SYN2: variants seen among roughly 807,000 people sequenced by gnomAD.
SYN2 encodes synapsin-2.
Under a neutral mutation model 50.9 loss-of-function variants are expected in SYN2, and 19 were observed. The observed-to-expected ratio is 0.37, with a 90% CI of 0.26 to 0.55. The LOEUF (loss-of-function observed/expected upper bound fraction) is 0.55, where lower values mean the gene tolerates loss of function less well. Ranked by LOEUF, SYN2 falls within the 20% of genes least tolerant of loss-of-function variation. The probability of loss-of-function intolerance (pLI) is 0.81; values close to 1 mark genes in which losing one functional copy is unlikely to be tolerated. For synonymous variants in SYN2, 255 were observed against 224.9 expected (o/e 1.13, Z -1.20); for missense variants, 587 against 576.4 (o/e 1.02, Z -0.19).
chr3:12,140,567 G>A, intron 1 of SYN2, 84 bp from the exon 2 acceptor site: 1 of 716,944 alleles, frequency 1.4e-6, no homozygotes, highest in Non-Finnish European at 2.6e-6. Context: ...TCTGTCTGCT[G>A]TGGTCCTCTT....
chr3:12,063,060 G>T (rs1187294388), intron 1 of SYN2, among the ~76,000 whole-genome samples: 1 of 151,834 alleles, frequency 6.6e-6, no homozygotes, highest in Non-Finnish European at 1.5e-5. Context: ...AAGGATTGGT[G>T]TTTGCCGGGG....
intron 4 of SYN2, 52 bp from the exon 5 acceptor site, chr3:12,151,185 C>T (rs972549724): frequency 7.7e-7 from 1 of 1,296,966 alleles, no homozygotes; most frequent in Non-Finnish European, 1.1e-6. Context: ...GATGTTTCAT[C>T]TGTTTCAGAA....
intron 1 of SYN2, among the ~76,000 whole-genome samples, chr3:12,072,765 A>G (rs1164529083): frequency 6.6e-6 from 1 of 152,164 alleles, no homozygotes; most frequent in Non-Finnish European, 1.5e-5. Flanking sequence ...GAAGATATTA[A>G]TAATGGCTTT....
At chr3:12,144,747 G>A (rs776337433) in intron 3 of SYN2, among the ~76,000 whole-genome samples, 10 of 152,154 alleles carry the variant, frequency 6.6e-5, no homozygotes, top group South Asian at 2.1e-4. Flanking sequence ...TTGGCCAGGC[G>A]TGGTGGCTCG....
At chr3:12,128,924 A>G (rs1045942727) in intron 1 of SYN2, among the ~76,000 whole-genome samples, 2 of 152,200 alleles carry the variant, frequency 1.3e-5, no homozygotes, top group Admixed American at 1.3e-4. Flanking sequence ...GCATTGTAAC[A>G]GAGCTGGGCA....
intron 1 of SYN2, among the ~76,000 whole-genome samples, chr3:12,132,533 CCCT>C (rs1696817372): frequency 1.3e-5 from 2 of 152,084 alleles, no homozygotes; most frequent in South Asian, 4.2e-4. Flanking sequence ...TTTTTTCTTT[CCCT>C]CCTCCTCCAC....
intron 1 of SYN2, among the ~76,000 whole-genome samples, chr3:12,087,064 C>A (rs1695717448): frequency 6.6e-6 from 1 of 152,036 alleles, no homozygotes; most frequent in South Asian, 2.1e-4. Flanking sequence ...CATATACTAA[C>A]AATGAACTAT....
At position 12,074,063 on chromosome 3, in the gene SYN2, G is replaced by T. The variant is rs1377623550; in HGVS notation, c.378-66588G>T. On this transcript the variant is annotated intron_variant, in intron 1 of 12. Coordinates refer to ENST00000621198, the MANE Select transcript of SYN2 (RefSeq NM_133625.6). ...TGTTCCAGAGTAGTTCTATCTTCTT[G>T]CTAGATTACTCCTGTTAATCATATA... Among the ~76,000 whole-genome samples the T allele has an allele frequency of 4.6e-5, 7 of 152,008 alleles. No individual in the cohort carries two copies. In the East Asian group the frequency reaches 1.4e-3, roughly 29 times the overall value.
At chr3:12,174,121 G>C (rs1698004044) in intron 10 of SYN2, among the ~76,000 whole-genome samples, 1 of 151,492 alleles carries the variant, frequency 6.6e-6, no homozygotes, top group South Asian at 2.1e-4. Flanking sequence ...CACTTCTGCT[G>C]AGTGTCTAAA....
chr3:12,017,611 T>C (rs112802671), intron 1 of SYN2, among the ~76,000 whole-genome samples: 60 of 152,362 alleles, frequency 3.9e-4, no homozygotes, highest in African/African-American at 1.4e-3. Context: ...AGATAAAGTA[T>C]ATCTCAAACT....
chr3:12,040,243 G>T (rs959481158), intron 1 of SYN2, among the ~76,000 whole-genome samples: 1 of 152,160 alleles, frequency 6.6e-6, no homozygotes, highest in African/African-American at 2.4e-5. Context: ...GTTGCAGACA[G>T]AAAGGGCAGT....
At chr3:12,013,062 G>T (rs961417835) in intron 1 of SYN2, among the ~76,000 whole-genome samples, 1 of 152,226 alleles carries the variant, frequency 6.6e-6, no homozygotes, top group Non-Finnish European at 1.5e-5. Flanking sequence ...TCACTGATGT[G>T]TTTGACACTG....
rs553201989 is a variant in SYN2, at chr3:12,145,697, C to G, written c.546C>G (p.Phe182Leu). The change falls in exon 4 of 13, where the codon TTC becomes TTG. Residue 182 changes from phenylalanine (F) to leucine (L), a missense_variant. Phe to Leu is a conservative substitution (Grantham distance 22). Transcript: ENST00000621198. ...TKVVRSFRPD[F>L]VLIRQHAFGM... ...TCACCAGGTCCTTCCGGCCAGACTT[C>G]GTGCTCATCCGGCAGCATGCATTTG... 1 of 1,613,954 alleles carries G rather than the reference C, an allele frequency of 6.2e-7. No individual in the cohort carries two copies. Among genetic ancestry groups the G allele is most frequent in the Non-Finnish European group, 8.5e-7 (1 of 1,179,866 alleles).
chr3:12,168,629 C>T lies in SYN2; in HGVS notation c.1158+151C>T, dbSNP rs146019110. Among the ~76,000 whole-genome samples the T allele has an allele frequency of 2.4e-3, 361 of 152,284 alleles. 2 individuals are homozygous for T. The highest frequency in any genetic ancestry group is 7.8e-3 in the African/African-American group (324 of 41,560). ...ATTGTTTCTAACCTGCTAGGCTGAC[C>T]CACGCCATGGGTAAAAGATGTTGAA... On this transcript the variant is annotated intron_variant, in intron 9 of 12. Transcript: ENST00000621198.
At chr3:12,037,233 TC>T (rs1387084128) in intron 1 of SYN2, among the ~76,000 whole-genome samples, 1 of 152,244 alleles carries the variant, frequency 6.6e-6, no homozygotes, top group Admixed American at 6.5e-5. Context: ...ACCAGAATTG[TC>T]CTTAAGACTC....
chr3:12,047,473 C>T (rs1694764293), intron 1 of SYN2, among the ~76,000 whole-genome samples: 1 of 152,172 alleles, frequency 6.6e-6, no homozygotes, highest in African/African-American at 2.4e-5. Flanking sequence ...CAGACAAACT[C>T]ATGATTTAGT....
chr3:12,021,124 TACC>T (rs1694125968), intron 1 of SYN2, among the ~76,000 whole-genome samples: 1 of 152,236 alleles, frequency 6.6e-6, no homozygotes, highest in African/African-American at 2.4e-5. Flanking sequence ...ATGGCTAATG[TACC>T]ATGATTTCTT....
chr3:12,048,504 C>A (rs1404060520), intron 1 of SYN2, among the ~76,000 whole-genome samples: 1 of 152,122 alleles, frequency 6.6e-6, no homozygotes, highest in Non-Finnish European at 1.5e-5. Flanking sequence ...CTACAAAATT[C>A]TTTTAAGACT....
At chr3:12,121,934 A>C (rs139961393) in intron 1 of SYN2, among the ~76,000 whole-genome samples, 1 of 152,162 alleles carries the variant, frequency 6.6e-6, no homozygotes, top group Non-Finnish European at 1.5e-5. Flanking sequence ...TTTCTGTATT[A>C]CAGTCTTGAG....
Sources: allele counts gnomAD v4.1 joint callset (sites outside exome capture counted in the v4.1 genomes callset), GRCh38; gene constraint gnomAD v4.1.1; transcripts MANE v1.5; gene names NCBI Gene and HGNC (gene_info 2026-07-23, HGNC 2026-07-21).